Variants in KRT86 observed in about 807,000 individuals in gnomAD.
The protein encoded by KRT86 is keratin 86, also known as keratin, type II cuticular Hb6.
KRT86 carries 30 observed loss-of-function variants against 41.2 expected under a neutral mutation model. That is an observed-to-expected ratio of 0.73 (90% CI 0.54 to 0.99). The LOEUF is 0.99. KRT86 is among the 50% of genes least tolerant of loss of function. The probability of loss-of-function intolerance (pLI) is 0.00; values close to 1 mark genes in which losing one functional copy is unlikely to be tolerated. For synonymous variants in KRT86, 238 were observed against 238.1 expected (o/e 1.00, Z 0.00); for missense variants, 561 against 571.4 (o/e 0.98, Z 0.19).
rs1938391025 is a variant in KRT86 at position 52,301,973 on chromosome 12, G to A, written c.57G>A (p.Gly19=). ...CCTTCAGCTGCATCTCGGCCTGCGG[G>A]CCCCGGCCCGGCCGCTGCTGCATCA... The part of the protein sequence containing the change: ...GRAFSCISAC[G]PRPGRCCITA... The change falls in exon 3 of 11, where the codon GGG becomes GGA. Residue 19 remains glycine, a synonymous_variant. Transcript: ENST00000423955. 6.2e-7 allele frequency: 1 copy of A among 1,613,510 alleles called. No individual in the cohort carries two copies. The highest frequency in any genetic ancestry group is 2.2e-5 in the East Asian group (1 of 44,864).
chr12:52,286,426 A>G (rs535920691), intron 2 of KRT86: 3 of 1,553,422 alleles, frequency 1.9e-6, no homozygotes, highest in East Asian at 2.4e-5. Flanking sequence ...AGACACTGCC[A>G]GTCACTGGCC....
At chr12:52,280,002 G>A (rs1405540219) in intron 2 of KRT86, among the ~76,000 whole-genome samples, 1 of 152,216 alleles carries the variant, frequency 6.6e-6, no homozygotes, top group Admixed American at 6.5e-5. Context: ...GTGAGATGGG[G>A]ATTGGGCCAG....
intron 2 of KRT86, chr12:52,285,955 A>G: frequency 2.1e-6 from 1 of 473,130 alleles, no homozygotes; most frequent in Non-Finnish European, 3.9e-6. Context: ...AGAGCAGAGG[A>G]GGAAGGGGAG....
intron 2 of KRT86, chr12:52,286,613 A>G: frequency 8.0e-7 from 1 of 1,247,462 alleles, no homozygotes; most frequent in Non-Finnish European, 1.1e-6. Flanking sequence ...TTTGTGGACA[A>G]TTCTAGGTCC....
rs559247150 is a variant in KRT86, at chr12:52,276,049, C to T, written c.-5+103C>T. ...ACCTACCCTTTGGATTAGATGGCTA[C>T]ACTTTCTCTTAGTGAATGTCTAAGC... is the stretch of plus-strand genomic sequence containing the variant. On this transcript the variant is annotated intron_variant, in intron 2 of 10. Transcript: ENST00000423955. 1.2e-4 allele frequency: 115 copies of T among 978,600 alleles called. No homozygotes were observed. In the African/African-American group the frequency reaches 1.9e-3, roughly 16 times the overall value. 60.6% of individuals were successfully genotyped at this position (978,600 alleles called of 1,614,324 possible).
intron 3 of KRT86, among the ~76,000 whole-genome samples, chr12:52,302,840 G>T (rs1160872217): frequency 9.8e-6 from 1 of 101,994 alleles, no homozygotes. Context: ...TGGGTGGGGG[G>T]TGGGGGGGGG....
chr12:52,286,689 C>T, intron 2 of KRT86: 2 of 1,345,324 alleles, frequency 1.5e-6, no homozygotes, highest in Non-Finnish European at 2.1e-6. Flanking sequence ...TGATGCCAGC[C>T]CACTCTTTTA....
intron 2 of KRT86, chr12:52,285,978 A>G (rs1354391499): frequency 3.9e-6 from 2 of 514,072 alleles, no homozygotes; most frequent in African/African-American, 1.9e-5. Context: ...GCAGGAAGGC[A>G]GTTGCCGTGG....
intron 5 of KRT86, 74 bp from the exon 6 acceptor site, chr12:52,304,858 T>G: frequency 6.7e-7 from 1 of 1,495,152 alleles, no homozygotes; most frequent in Non-Finnish European, 9.3e-7. Flanking sequence ...CTTCATGGAA[T>G]GGGTGGGAAG....
chr12:52,306,820 G>A (rs1938530162), intron 9 of KRT86: 1 of 170,066 alleles, frequency 5.9e-6, no homozygotes, highest in Non-Finnish European at 1.3e-5. Context: ...CCTTGGGGCA[G>A]TTATGCCTTG....
At chr12:52,308,361 C>G (rs1371497421) in intron 10 of KRT86, 43 bp from the exon 11 acceptor site, 1 of 1,611,432 alleles carries the variant, frequency 6.2e-7, no homozygotes, top group Non-Finnish European at 8.5e-7. Flanking sequence ...TCACCCAGGT[C>G]GCGGCTGCGC....
Position 52,305,287 on chromosome 12 carries a change from C to T in KRT86, c.783C>T (p.Val261=). ...QSHISDTSVV[V]KLDNSRDLNM... ...ACATCTCAGACACCTCCGTGGTTGT[C>T]AAGCTGGACAACAGCCGGGACCTGA... The change falls in exon 7 of 11, where the codon GTC becomes GTT. Residue 261 remains valine, a synonymous_variant. Transcript: ENST00000423955. The T allele has an allele frequency of 1.2e-5, 20 of 1,614,218 alleles. No homozygotes were observed. Among genetic ancestry groups the T allele is most frequent in the Non-Finnish European group, 1.6e-5 (19 of 1,180,030 alleles).
chr12:52,293,890 C>G (rs1337327743), intron 2 of KRT86, among the ~76,000 whole-genome samples: 2 of 152,002 alleles, frequency 1.3e-5, no homozygotes, highest in Non-Finnish European at 2.9e-5. Context: ...AGGGCAAAGG[C>G]AGGCAGAGTA....
chr12:52,307,710 T>C (rs963302019), intron 9 of KRT86, among the ~76,000 whole-genome samples: 5 of 152,242 alleles, frequency 3.3e-5, no homozygotes, highest in African/African-American at 1.2e-4. Flanking sequence ...CAGTTTTGTA[T>C]TGAGCCAGGC....
chr12:52,286,247 TG>T lies in KRT86; in HGVS notation c.-5+10305del, dbSNP rs201146279. Reference sequence around the variant, plus strand: ...GATGCCTGGGGCCTGGGACTTGAGTTGGGGTGCCTAACATTTCCGGCAGCTG... The same window carrying T: ...GATGCCTGGGGCCTGGGACTTGAGTTGGGTGCCTAACATTTCCGGCAGCTG... On this transcript the variant is annotated intron_variant, in intron 2 of 10. Transcript: ENST00000423955. 5.3e-3 allele frequency: 8,171 copies of T among 1,552,884 alleles called. 19 individuals carry two copies. The highest frequency in any genetic ancestry group is 0.01 in the Middle Eastern group (55 of 5,480).
At chr12:52,304,591 G>T (rs1161726576) in intron 5 of KRT86, among the ~76,000 whole-genome samples, 2 of 151,852 alleles carry the variant, frequency 1.3e-5, no homozygotes, top group Admixed American at 6.5e-5. Context: ...GTAGCCCTTG[G>T]GCTTTTGGAG....
chr12:52,280,900 T>C (rs555055470), intron 2 of KRT86, among the ~76,000 whole-genome samples: 8 of 152,254 alleles, frequency 5.3e-5, no homozygotes, highest in Non-Finnish European at 1.0e-4. Flanking sequence ...GTAGGCAGGA[T>C]CTAGGATGTA....
chr12:52,308,644 C>T lies in KRT86; in HGVS notation c.*59C>T, dbSNP rs771115534. On this transcript the variant is annotated 3_prime_UTR_variant, in exon 11 of 11. Coordinates refer to ENST00000423955, the MANE Select transcript of KRT86 (RefSeq NM_001320198.2). ...CACTCTCCACCCAGCCAGTACCTCG[C>T]GCCACCAGAACGCGCCGCCCGCGCC... is the stretch of plus-strand genomic sequence containing the variant. The T allele has an allele frequency of 2.0e-6, 3 of 1,536,264 alleles. No homozygotes were observed. The Admixed American group carries it at 5.3e-5, about 27-fold the overall frequency.
chr12:52,300,267 G>C (rs1343626723), intron 2 of KRT86, among the ~76,000 whole-genome samples: 8 of 152,138 alleles, frequency 5.3e-5, no homozygotes, highest in Admixed American at 3.3e-4. Flanking sequence ...ATGACATAAG[G>C]TGCAATCTGC....
Sources: allele counts gnomAD v4.1 joint callset (sites outside exome capture counted in the v4.1 genomes callset), GRCh38; gene constraint gnomAD v4.1.1; transcripts MANE v1.5; gene names NCBI Gene and HGNC (gene_info 2026-07-23, HGNC 2026-07-21).